Variants in TTC28 observed in about 807,000 individuals in gnomAD.
TTC28 encodes the protein tetratricopeptide repeat domain 28.
TTC28 carries 61 observed loss-of-function variants against 198.0 expected under a neutral mutation model. That is an observed-to-expected ratio of 0.31 (90% CI 0.25 to 0.38). The LOEUF (loss-of-function observed/expected upper bound fraction) is 0.38, where lower values mean the gene tolerates loss of function less well. TTC28 is among the 10% of genes least tolerant of loss of function. The pLI, the probability that TTC28 is intolerant of heterozygous loss-of-function variation, is 1.00. For missense variants in TTC28, 2,678 were observed against 3,164.0 expected (o/e 0.85, Z 3.69); for synonymous variants, 1,171 against 1,297.8 (o/e 0.90, Z 2.10).
At chr22:28,551,564 T>C (rs1336694481) in intron 2 of TTC28, among the ~76,000 whole-genome samples, 2 of 152,180 alleles carry the variant, frequency 1.3e-5, no homozygotes, top group Non-Finnish European at 2.9e-5. Context: ...GGGATGAGGA[T>C]GGTTTAACAT....
chr22:28,531,302 G>A (rs1264566120), intron 2 of TTC28, among the ~76,000 whole-genome samples: 1 of 152,052 alleles, frequency 6.6e-6, no homozygotes, highest in Non-Finnish European at 1.5e-5. Context: ...AAGATCAAAA[G>A]ACACAAAGAA....
At chr22:28,360,068 C>CT (rs2046135673) in intron 2 of TTC28, among the ~76,000 whole-genome samples, 1 of 151,882 alleles carries the variant, frequency 6.6e-6, no homozygotes, top group Non-Finnish European at 1.5e-5. Context: ...TCTAAAACAT[C>CT]TGAGTACTAA....
chr22:28,548,705 T>C (rs1307443806), intron 2 of TTC28, among the ~76,000 whole-genome samples: 1 of 152,224 alleles, frequency 6.6e-6, no homozygotes, highest in Non-Finnish European at 1.5e-5. Context: ...GAAATTTGAA[T>C]TGTCTGCCTA....
Position 28,163,341 on chromosome 22 carries a change from T to C in TTC28, c.1192A>G (p.Ser398Gly), listed in dbSNP as rs758886817. Residue 398 changes from serine to glycine, a missense_variant, in exon 6 of 23, where the codon AGC becomes GGC. Physicochemically the swap from Ser to Gly is moderately conservative, Grantham distance 56 (BLOSUM62 0). Coordinates refer to ENST00000397906, the MANE Select transcript of TTC28 (RefSeq NM_001145418.2). Reference sequence around the variant, plus strand: ...TAGTGATAGGCACTGCCCAGGTTGCTATAAGCCCGGGCCTCTTCTCGCTTG... The same window carrying C: ...TAGTGATAGGCACTGCCCAGGTTGCCATAAGCCCGGGCCTCTTCTCGCTTG... ...GNKREEARAY[S>G]NLGSAYHYRR... The C allele has an allele frequency of 1.3e-6, 2 of 1,552,008 alleles. No homozygotes were observed. Among genetic ancestry groups the C allele is most frequent in the South Asian group, 1.2e-5 (1 of 84,070 alleles).
At chr22:28,096,123 C>G in intron 11 of TTC28, 67 bp downstream of exon 11, 1 of 1,459,014 alleles carries the variant, frequency 6.9e-7, no homozygotes, top group Non-Finnish European at 9.1e-7. Context: ...CCTATTCCAC[C>G]TCTATTCATT....
At chr22:28,147,748 A>G (rs1943502693) in intron 6 of TTC28, among the ~76,000 whole-genome samples, 1 of 152,246 alleles carries the variant, frequency 6.6e-6, no homozygotes, top group South Asian at 2.1e-4. Flanking sequence ...AAGAAGCTAC[A>G]CCAAGTATAG....
intron 5 of TTC28, among the ~76,000 whole-genome samples, chr22:28,219,790 T>C (rs558263588): frequency 1.3e-5 from 2 of 152,224 alleles, no homozygotes; most frequent in Admixed American, 6.5e-5. Flanking sequence ...ATTTGAAAAA[T>C]GCGTTAGAAA....
chr22:28,086,616 G>C lies in TTC28; in HGVS notation c.3932+7464C>G, dbSNP rs1441645155. Among the ~76,000 whole-genome samples the C allele has an allele frequency of 2.0e-5, 3 of 152,146 alleles. No homozygotes were observed. The South Asian group carries it at 6.2e-4, about 32-fold the overall frequency. ...ACAATTAAAAGAACTAGAAAAGCAAGAGCAAACATATTCAAAAGCTAGCAG... is the reference window on the plus strand; with the variant it reads ...ACAATTAAAAGAACTAGAAAAGCAACAGCAAACATATTCAAAAGCTAGCAG... On this transcript the variant is annotated intron_variant, in intron 12 of 22. Coordinates refer to ENST00000397906, the MANE Select transcript of TTC28 (RefSeq NM_001145418.2).
At chr22:28,371,529 A>AAAAAAAAG (rs71194763) in intron 2 of TTC28, among the ~76,000 whole-genome samples, 3 of 125,698 alleles carry the variant, frequency 2.4e-5, no homozygotes, top group Non-Finnish European at 3.4e-5. Flanking sequence ...AAAAAAAAAA[A>AAAAAAAAG]GAGTTCAGAA....
At chr22:28,596,126 T>G (rs747556873) in intron 2 of TTC28, among the ~76,000 whole-genome samples, 10 of 152,218 alleles carry the variant, frequency 6.6e-5, no homozygotes, top group Non-Finnish European at 5.9e-5. Flanking sequence ...TAGGTGGTTA[T>G]ATTAGATTAG....
chr22:28,134,286 C>G (rs1943142157), intron 6 of TTC28, among the ~76,000 whole-genome samples: 1 of 152,184 alleles, frequency 6.6e-6, no homozygotes, highest in South Asian at 2.1e-4. Flanking sequence ...GCTGAAAGTT[C>G]TAAAAATCAG....
intron 5 of TTC28, among the ~76,000 whole-genome samples, chr22:28,242,384 T>A (rs1251914985): frequency 6.6e-6 from 1 of 152,202 alleles, no homozygotes; most frequent in Non-Finnish European, 1.5e-5. Context: ...AAAACTACAG[T>A]GAATACTTTC....
chr22:28,333,764 G>GA (rs1426501543), intron 2 of TTC28, among the ~76,000 whole-genome samples: 3 of 151,896 alleles, frequency 2.0e-5, no homozygotes, highest in East Asian at 1.9e-4. Flanking sequence ...TAATTATGGT[G>GA]AAAAAAGTTA....
At chr22:28,278,903 G>C (rs900259615) in intron 5 of TTC28, among the ~76,000 whole-genome samples, 1 of 152,146 alleles carries the variant, frequency 6.6e-6, no homozygotes, top group African/African-American at 2.4e-5. Flanking sequence ...GGTACGTACA[G>C]CCAGGAAAGA....
At chr22:28,050,353 C>A (rs1434122919) in intron 12 of TTC28, among the ~76,000 whole-genome samples, 6 of 152,214 alleles carry the variant, frequency 3.9e-5, no homozygotes, top group Non-Finnish European at 2.9e-5. Context: ...TTAGCAGCAT[C>A]AGCTCCCATA....
At chr22:28,218,597 C>A (rs967703047) in intron 5 of TTC28, among the ~76,000 whole-genome samples, 6 of 151,928 alleles carry the variant, frequency 3.9e-5, no homozygotes, top group Non-Finnish European at 5.9e-5. Context: ...AAAAAAATAC[C>A]CACTCAGTTC....
chr22:28,427,582 G>A (rs950699892), intron 2 of TTC28, among the ~76,000 whole-genome samples: 19 of 152,316 alleles, frequency 1.2e-4, no homozygotes, highest in Admixed American at 1.0e-3. Flanking sequence ...GAACCGAGGA[G>A]GCGGAGCTTG....
chr22:28,378,838 T>A (rs1338779788), intron 2 of TTC28, among the ~76,000 whole-genome samples: 4 of 152,056 alleles, frequency 2.6e-5, no homozygotes, highest in African/African-American at 7.2e-5. Context: ...AATTGAAGTC[T>A]CCAAAGGAGA....
chr22:28,107,801 G>A lies in TTC28; in HGVS notation c.2044C>T (p.Leu682=). The A allele has an allele frequency of 6.4e-7, 1 of 1,551,996 alleles. No homozygotes were observed. Among genetic ancestry groups the A allele is most frequent in the Non-Finnish European group, 8.7e-7 (1 of 1,147,070 alleles). ...SQAKAYCNLG[L]AFKALLNFSK... ...AAATTCAGCAGAGCCTTGAATGCTA[G>A]GCCCAAGTTGCAGTAGGCTTTTGCT... The change falls in exon 7 of 23, where the codon CTA becomes TTA. Residue 682 remains leucine (L), a synonymous_variant. Coordinates refer to ENST00000397906, the MANE Select transcript of TTC28 (RefSeq NM_001145418.2).
Sources: allele counts gnomAD v4.1 joint callset (sites outside exome capture counted in the v4.1 genomes callset), GRCh38; gene constraint gnomAD v4.1.1; transcripts MANE v1.5; gene names NCBI Gene and HGNC (gene_info 2026-07-23, HGNC 2026-07-21).